MXI1: variants seen among roughly 807,000 people sequenced by gnomAD.
MXI1 encodes the protein max-interacting protein 1.
Under a neutral mutation model 36.9 loss-of-function variants are expected in MXI1, and 18 were observed. That is an observed-to-expected ratio of 0.49 (90% CI 0.34 to 0.72). MXI1 has a LOEUF of 0.72. Among genes scored for constraint, MXI1 ranks in the 30% least tolerant of loss-of-function variants. MXI1 has a pLI of 0.01. For missense variants in MXI1, 304 were observed against 379.1 expected (o/e 0.80, Z 1.64); for synonymous variants, 160 against 146.7 (o/e 1.09, Z -0.65).
intron 2 of MXI1, among the ~76,000 whole-genome samples, chr10:110,230,160 T>C (rs1227080401): frequency 1.3e-5 from 2 of 152,246 alleles, no homozygotes; most frequent in African/African-American, 4.8e-5. Context: ...TCAAGGATTA[T>C]AGAGGCATAA....
chr10:110,208,157 G>A (rs1854408726), intron 1 of MXI1, 75 bp downstream of exon 1: 3 of 1,473,578 alleles, frequency 2.0e-6, no homozygotes, highest in African/African-American at 1.5e-5. Context: ...CCCCTGTTGC[G>A]AGCTCGGCCC....
At chr10:110,241,507 C>T (rs79627845) in intron 2 of MXI1, among the ~76,000 whole-genome samples, 7,976 of 151,984 alleles carry the variant, frequency 0.052, 321 homozygotes, top group Middle Eastern at 0.15. Flanking sequence ...ACTTGTTTAT[C>T]GCCTGTACTG....
At chr10:110,243,481 A>G (rs1855747426) in intron 2 of MXI1, among the ~76,000 whole-genome samples, 2 of 152,100 alleles carry the variant, frequency 1.3e-5, no homozygotes, top group Non-Finnish European at 1.5e-5. Context: ...AAGCACTCTT[A>G]ATTTTAAGGT....
intron 1 of MXI1, chr10:110,226,276 G>C (rs983399525): frequency 1.3e-6 from 2 of 1,497,484 alleles, no homozygotes; most frequent in African/African-American, 2.9e-5. Context: ...TGGAGCGCCG[G>C]GAGCGAGGTA....
chr10:110,248,288 A>G (rs1015904940), intron 3 of MXI1, among the ~76,000 whole-genome samples: 2 of 152,208 alleles, frequency 1.3e-5, no homozygotes, highest in Non-Finnish European at 2.9e-5. Context: ...TGGCACATGT[A>G]TACATATGTA....
intron 3 of MXI1, among the ~76,000 whole-genome samples, chr10:110,276,498 G>A (rs562216735): frequency 1.3e-5 from 2 of 152,072 alleles, no homozygotes; most frequent in African/African-American, 2.4e-5. Context: ...ACAATCTCTC[G>A]ATTTATTCAG....
intron 3 of MXI1, among the ~76,000 whole-genome samples, chr10:110,251,545 A>G (rs181979743): frequency 7.2e-5 from 11 of 152,290 alleles, no homozygotes; most frequent in South Asian, 2.1e-4. Flanking sequence ...CTAGTGGTCT[A>G]TGTGATCATT....
At chr10:110,217,775 GA>G (rs1854689571) in intron 1 of MXI1, among the ~76,000 whole-genome samples, 1 of 152,186 alleles carries the variant, frequency 6.6e-6, no homozygotes, top group African/African-American at 2.4e-5. Context: ...TAGACGAATA[GA>G]AATCAGTCAA....
intron 1 of MXI1, chr10:110,226,392 G>C: frequency 3.3e-6 from 4 of 1,220,950 alleles, no homozygotes; most frequent in Non-Finnish European, 4.1e-6. Flanking sequence ...ATGAGGTGAG[G>C]TGTGCGCGCA....
chr10:110,265,132 T>C (rs1348407486), intron 3 of MXI1, among the ~76,000 whole-genome samples: 2 of 152,208 alleles, frequency 1.3e-5, no homozygotes, highest in African/African-American at 4.8e-5. Flanking sequence ...TTGATAGAGC[T>C]CTGAGTACGG....
At chr10:110,227,862 G>A in intron 1 of MXI1, 1 of 294,314 alleles carries the variant, frequency 3.4e-6, no homozygotes, top group Non-Finnish European at 6.6e-6. Flanking sequence ...TTTGAGGCAA[G>A]CGAAGTCAAT....
At chr10:110,227,178 C>A (rs1855068042) in intron 1 of MXI1, among the ~76,000 whole-genome samples, 1 of 71,856 alleles carries the variant, frequency 1.4e-5, no homozygotes, top group Non-Finnish European at 2.7e-5. Context: ...TGGGGAGGGT[C>A]GCGCGTGTGC....
intron 3 of MXI1, chr10:110,257,726 GA>G (rs2134422232): frequency 4.7e-6 from 1 of 214,614 alleles, no homozygotes. Flanking sequence ...AAGCCAAAGA[GA>G]AAGGTTTCTG....
chr10:110,258,916 C>T (rs1472964501), intron 3 of MXI1, among the ~76,000 whole-genome samples: 2 of 140,918 alleles, frequency 1.4e-5, no homozygotes, highest in South Asian at 2.2e-4. Context: ...GAGGCTCATT[C>T]GGAGACAAAG....
At chr10:110,243,301 G>C (rs750535679) in intron 2 of MXI1, among the ~76,000 whole-genome samples, 1 of 151,962 alleles carries the variant, frequency 6.6e-6, no homozygotes, top group Non-Finnish European at 1.5e-5. Context: ...AAGTCCTTTT[G>C]TTAAGATAAT....
At chr10:110,262,048 T>G (rs1856530903) in intron 3 of MXI1, among the ~76,000 whole-genome samples, 1 of 152,116 alleles carries the variant, frequency 6.6e-6, no homozygotes, top group South Asian at 2.1e-4. Flanking sequence ...CAAAATGGCA[T>G]TTCAATATGA....
At chr10:110,252,392 T>C (rs1018647159) in intron 3 of MXI1, among the ~76,000 whole-genome samples, 4 of 152,176 alleles carry the variant, frequency 2.6e-5, no homozygotes, top group African/African-American at 9.7e-5. Flanking sequence ...TCTGTAGCTC[T>C]TCTGACATTG....
chr10:110,246,048 A>G (rs1855852867), intron 3 of MXI1, among the ~76,000 whole-genome samples: 1 of 152,130 alleles, frequency 6.6e-6, no homozygotes, highest in Admixed American at 6.6e-5. Context: ...GCAGCCAGGC[A>G]TGGTGGCTCA....
chr10:110,272,376 T>G (rs1441687057), intron 3 of MXI1, among the ~76,000 whole-genome samples: 1 of 152,234 alleles, frequency 6.6e-6, no homozygotes, highest in East Asian at 1.9e-4. Flanking sequence ...ATTTGAAGTC[T>G]TCTTTTAAAA....
Sources: allele counts gnomAD v4.1 joint callset (sites outside exome capture counted in the v4.1 genomes callset), GRCh38; gene constraint gnomAD v4.1.1; transcripts MANE v1.5; gene names NCBI Gene and HGNC (gene_info 2026-07-23, HGNC 2026-07-21).